Variants in PCDHGB1 observed in about 807,000 individuals in gnomAD.
PCDHGB1 encodes the protein protocadherin gamma subfamily B, 1, also known as protocadherin gamma-B1.
A neutral mutation model predicts 56.6 loss-of-function variants in PCDHGB1; 34 were observed. That is an observed-to-expected ratio of 0.60 (90% CI 0.46 to 0.80). The LOEUF (loss-of-function observed/expected upper bound fraction) is 0.80, where lower values mean the gene tolerates loss of function less well. Among genes scored for constraint, PCDHGB1 ranks in the 30% least tolerant of loss-of-function variants. PCDHGB1 has a pLI of 0.00. For missense variants in PCDHGB1, 1,278 were observed against 1,204.6 expected (o/e 1.06, Z -0.90); for synonymous variants, 561 against 505.9 (o/e 1.11, Z -1.46).
chr5:141,421,904 C>T (rs1561797509), intron 1 of PCDHGB1: 1 of 1,613,734 alleles, frequency 6.2e-7, no homozygotes, highest in Admixed American at 1.7e-5. Flanking sequence ...CGAAAGGGCG[C>T]AGTTCCCATT....
chr5:141,423,929 G>C, intron 1 of PCDHGB1: 1 of 1,236,074 alleles, frequency 8.1e-7, no homozygotes, highest in East Asian at 3.5e-5. Flanking sequence ...TGCTGGTTTG[G>C]TTTGAAGTAA....
chr5:141,409,857 T>C (rs761331515), intron 1 of PCDHGB1: 2 of 1,612,228 alleles, frequency 1.2e-6, no homozygotes, highest in African/African-American at 2.7e-5. Context: ...CGCGTGTTGG[T>C]GGGAGACCGC....
intron 1 of PCDHGB1, chr5:141,375,437 T>G (rs763678633): frequency 3.1e-6 from 5 of 1,613,964 alleles, no homozygotes; most frequent in Non-Finnish European, 4.2e-6. Flanking sequence ...CCCGCCCACC[T>G]TCCCCCATTC....
chr5:141,421,524 G>A (rs375937711), intron 1 of PCDHGB1: 25 of 1,613,940 alleles, frequency 1.5e-5, no homozygotes, highest in Admixed American at 5.0e-5. Context: ...TCTGTGAGAC[G>A]GTGTCCTCCT....
intron 1 of PCDHGB1, chr5:141,374,774 A>G: frequency 6.2e-7 from 1 of 1,613,822 alleles, no homozygotes; most frequent in Non-Finnish European, 8.5e-7. Context: ...AATTCTGGTA[A>G]CAGTTCTAGA....
Position 141,409,505 on chromosome 5 carries a change from A to G in PCDHGB1, c.2409+56836A>G, listed in dbSNP as rs1361558030. 5.6e-6 allele frequency: 9 copies of G among 1,614,036 alleles called. No homozygotes were observed. In the Middle Eastern group the frequency reaches 4.9e-4, roughly 89 times the overall value. On this transcript the variant is annotated intron_variant, in intron 1 of 3. Coordinates refer to ENST00000523390, the MANE Select transcript of PCDHGB1 (RefSeq NM_018922.3). Reference sequence around the variant, plus strand: ...CAGGGGCAAGCCGCCTCTTTCTTCCAGTAGAAGCATCACCTTGTATGTCGC... The same window carrying G: ...CAGGGGCAAGCCGCCTCTTTCTTCCGGTAGAAGCATCACCTTGTATGTCGC...
At position 141,489,425 on chromosome 5, in the gene PCDHGB1, G is replaced by C. The variant is rs779739693; in HGVS notation, c.2410-5382G>C. On this transcript the variant is annotated intron_variant, in intron 1 of 3. Transcript: ENST00000523390. This position sits in a 1 kb window ranked among gnomAD's most constrained non-coding sequence, Gnocchi z 4.5. ...TTAAAGATGACAGATCTGTTGAGCC[G>C]GCGGCTGCAATTGGGCTCTGAGGAG... The C allele has an allele frequency of 4.3e-6, 7 of 1,614,118 alleles. No individual in the cohort carries two copies. The highest frequency in any genetic ancestry group is 1.1e-5 in the South Asian group (1 of 91,070).
intron 1 of PCDHGB1, chr5:141,404,120 C>T (rs1224189151): frequency 1.2e-6 from 2 of 1,613,312 alleles, no homozygotes; most frequent in East Asian, 4.5e-5. Flanking sequence ...CCAGGAGAAT[C>T]TATCTTTTAC....
intron 1 of PCDHGB1, among the ~76,000 whole-genome samples, chr5:141,382,187 A>G (rs527857463): frequency 6.6e-6 from 1 of 152,216 alleles, no homozygotes; most frequent in Non-Finnish European, 1.5e-5. Flanking sequence ...AAGGTTCTAT[A>G]CAATCAAAAA....
intron 1 of PCDHGB1, chr5:141,393,874 G>T (rs1226947734): frequency 1.2e-6 from 2 of 1,613,826 alleles, no homozygotes; most frequent in Non-Finnish European, 1.7e-6. Flanking sequence ...TCTTTGTTTA[G>T]CCCAGTGTTA....
Position 141,427,844 on chromosome 5 carries a change from C to A in PCDHGB1, c.2410-66963C>A, listed in dbSNP as rs997069058. 6.5e-6 allele frequency: 10 copies of A among 1,550,194 alleles called. No homozygotes were observed. In the East Asian group the frequency reaches 2.2e-4, roughly 35 times the overall value. On this transcript the variant is annotated intron_variant, in intron 1 of 3. Transcript: ENST00000523390. ...TGGTCGCGCAGCGTGCCTTCGACCA[C>A]GAGCAGCTGTGCGCCTTCGAGCTCA...
intron 1 of PCDHGB1, chr5:141,478,217 G>A: frequency 2.5e-6 from 4 of 1,614,094 alleles, no homozygotes. Flanking sequence ...TCTAATCCTG[G>A]TTTCTGTGGG....
intron 1 of PCDHGB1, chr5:141,409,549 C>T: frequency 6.2e-7 from 1 of 1,614,004 alleles, no homozygotes; most frequent in Non-Finnish European, 8.5e-7. Context: ...ACGACAACGC[C>T]CCAGTTTTCG....
At chr5:141,421,079 T>A (rs2096545177) in intron 1 of PCDHGB1, 1 of 630,528 alleles carries the variant, frequency 1.6e-6, no homozygotes, top group Non-Finnish European at 2.7e-6. Context: ...AGATGGATAC[T>A]CACAGATCCT....
chr5:141,383,695 G>T (rs373055594), intron 1 of PCDHGB1: 1 of 1,613,974 alleles, frequency 6.2e-7, no homozygotes, highest in Non-Finnish European at 8.5e-7. Context: ...CACGGTACAT[G>T]CTATCGACCT....
At chr5:141,387,700 G>A (rs1303500403) in intron 1 of PCDHGB1, 1 of 933,942 alleles carries the variant, frequency 1.1e-6, no homozygotes, top group Non-Finnish European at 1.6e-6. Context: ...CGCTTTCCAG[G>A]GCAGCCCCAG....
In PCDHGB1 at chr5:141,351,167, T is replaced by A. The variant is rs745490255; in HGVS notation, c.907T>A (p.Leu303Met). Residue 303 changes from leucine (L) to methionine (M), a missense_variant, in exon 1 of 4, where the codon TTG becomes ATG. By Grantham distance (15) the Leu-to-Met change is conservative. Coordinates refer to ENST00000523390, the MANE Select transcript of PCDHGB1 (RefSeq NM_018922.3). ...NTGDITTNGT[L>M]DFEETSRYVL... ...TGGCGACATCACAACCAATGGCACA[T>A]TGGATTTTGAAGAGACAAGTAGATA... 1.2e-6 allele frequency: 2 copies of A among 1,613,946 alleles called. No homozygotes were observed. The highest frequency in any genetic ancestry group is 1.7e-6 in the Non-Finnish European group (2 of 1,179,864).
chr5:141,384,296 C>T (rs763513374), intron 1 of PCDHGB1: 5 of 1,613,712 alleles, frequency 3.1e-6, no homozygotes, highest in Middle Eastern at 1.6e-4. Flanking sequence ...GAGAACAACC[C>T]CAGAGGGGCC....
intron 1 of PCDHGB1, chr5:141,365,005 C>T (rs1329280545): frequency 1.2e-6 from 2 of 1,613,788 alleles, no homozygotes; most frequent in South Asian, 1.1e-5. Flanking sequence ...TCTCCGGCAC[C>T]ACGCACATCC....
Sources: allele counts gnomAD v4.1 joint callset (sites outside exome capture counted in the v4.1 genomes callset), GRCh38; gene constraint gnomAD v4.1.1; non-coding constraint Gnocchi (gnomAD v3.1); transcripts MANE v1.5; gene names NCBI Gene and HGNC (gene_info 2026-07-23, HGNC 2026-07-21).